OR2C3: variants seen among roughly 807,000 people sequenced by gnomAD.
The protein encoded by OR2C3 is olfactory receptor family 2 subfamily C member 3, also known as olfactory receptor 2C3.
For synonymous variants in OR2C3, 178 were observed against 163.4 expected (o/e 1.09, Z -0.68); for missense variants, 425 against 401.5 (o/e 1.06, Z -0.50).
rs1219013718 is a variant in OR2C3 at position 247,531,461 on chromosome 1, A to C, written c.*88T>G. On this transcript the variant is annotated 3_prime_UTR_variant, in exon 3 of 3. Transcript: ENST00000641802. Reference sequence around the variant, plus strand: ...TACCTTGAGCTCAAACAATATTAGAAGAAAAACGACATCCCAAGTGCCCTG... The same window carrying C: ...TACCTTGAGCTCAAACAATATTAGACGAAAAACGACATCCCAAGTGCCCTG... 1 of 1,358,628 alleles carries C rather than the reference A, an allele frequency of 7.4e-7. No individual in the cohort carries two copies. The highest frequency in any genetic ancestry group is 1.5e-5 in the African/African-American group (1 of 68,954). 84.2% of individuals were successfully genotyped at this position (1,358,628 alleles called of 1,614,324 possible). A position where few individuals can be genotyped will look rare whatever the true frequency, so the allele number is the denominator to read the frequency against.
chr1:247,529,605 T>C lies in OR2C3; in HGVS notation c.*1944A>G, dbSNP rs1285215078. On this transcript the variant is annotated 3_prime_UTR_variant, in exon 3 of 3. Coordinates refer to ENST00000641802, the MANE Select transcript of OR2C3 (RefSeq NM_198074.6). ...AATAATCCAGTTGAAGAATGTTGCT[T>C]CACTTCACTGAAAGTTTGGGTTTGG... 1 of 152,176 alleles carries C rather than the reference T, an allele frequency of 6.6e-6. No homozygotes were observed. Among genetic ancestry groups the C allele is most frequent in the African/African-American group, 2.4e-5 (1 of 41,440 alleles). The allele number at this position is 152,176 out of a possible 1,614,324, so 9.4% of individuals were successfully genotyped here.
rs1667107069 is a variant in OR2C3 at position 247,533,772 on chromosome 1, A to G, written c.-295T>C. 6.6e-6 allele frequency: 1 copy of G among 152,232 alleles called. No individual in the cohort carries two copies. Among genetic ancestry groups the G allele is most frequent in the African/African-American group, 2.4e-5 (1 of 41,462 alleles). The allele number at this position is 152,232 out of a possible 1,614,324, so 9.4% of individuals were successfully genotyped here. A position where few individuals can be genotyped will look rare whatever the true frequency, so the allele number is the denominator to read the frequency against. ...TCATCTGAAGGCTCCTCTGTTATGT[A>G]AAACTATGATCAAATAAATGTGTAT... On this transcript the variant is annotated 5_prime_UTR_variant, in exon 2 of 3. Coordinates refer to ENST00000641802, the MANE Select transcript of OR2C3 (RefSeq NM_198074.6).
rs953431781 is a variant in OR2C3, at chr1:247,533,549, C to G, written c.-72G>C. 1.3e-5 allele frequency: 2 copies of G among 152,204 alleles called. No individual in the cohort carries two copies. The highest frequency in any genetic ancestry group is 4.8e-5 in the African/African-American group (2 of 41,442). The allele number at this position is 152,204 out of a possible 1,614,324, so 9.4% of individuals were successfully genotyped here. A position where few individuals can be genotyped will look rare whatever the true frequency, so the allele number is the denominator to read the frequency against. ...CATAAGACCTCCATTCCAGAGAGGT[C>G]TTATTGCATACCAAGAAAAAAGGAA... On this transcript the variant is annotated 5_prime_UTR_variant, in exon 2 of 3. Coordinates refer to ENST00000641802, the MANE Select transcript of OR2C3 (RefSeq NM_198074.6).
At position 247,527,139 on chromosome 1, in the gene OR2C3, T is replaced by C. The variant is rs1026639165; in HGVS notation, c.*4410A>G. ...GTTAAGCATTTAGGGAGCAGTTGGGTGAGCACATGACCAATCAGCCTGAGC... is the reference window on the plus strand; with the variant it reads ...GTTAAGCATTTAGGGAGCAGTTGGGCGAGCACATGACCAATCAGCCTGAGC... On this transcript the variant is annotated 3_prime_UTR_variant, in exon 3 of 3. Transcript: ENST00000641802. The surrounding 1 kb of genome is among the most constrained non-coding windows in gnomAD (Gnocchi z 4.6). The C allele has an allele frequency of 1.3e-5, 6 of 448,148 alleles. No homozygotes were observed. Among genetic ancestry groups the C allele is most frequent in the African/African-American group, 1.2e-4 (6 of 49,904 alleles). The allele number at this position is 448,148 out of a possible 1,614,324, so 27.8% of individuals were successfully genotyped here.
In OR2C3 at chr1:247,530,520, C is replaced by CCCG. The variant is rs1416290260; in HGVS notation, c.*1028_*1029insCGG. The CCCG allele has an allele frequency of 2.2e-5, 3 of 139,110 alleles. No individual in the cohort carries two copies. Among genetic ancestry groups the CCCG allele is most frequent in the African/African-American group, 7.6e-5 (3 of 39,598 alleles). 8.6% of individuals were successfully genotyped at this position (139,110 alleles called of 1,614,324 possible). A position where few individuals can be genotyped will look rare whatever the true frequency, so the allele number is the denominator to read the frequency against. ...CCAGTCCACAAACACCATGCCATCC[C>CCCG]CCCCCCACAAAATAACATTTCCTAT... On this transcript the variant is annotated 3_prime_UTR_variant, in exon 3 of 3. Coordinates refer to ENST00000641802, the MANE Select transcript of OR2C3 (RefSeq NM_198074.6).
At position 247,531,185 on chromosome 1, in the gene OR2C3, C is replaced by T. The variant is rs953805809; in HGVS notation, c.*364G>A. The T allele has an allele frequency of 2.1e-5, 5 of 234,272 alleles. No individual in the cohort carries two copies. The highest frequency in any genetic ancestry group is 4.2e-5 in the Non-Finnish European group (5 of 119,110). The allele number at this position is 234,272 out of a possible 1,614,324, so 14.5% of individuals were successfully genotyped here. A position where few individuals can be genotyped will look rare whatever the true frequency, so the allele number is the denominator to read the frequency against. Reference sequence around the variant, plus strand: ...GGGGCTCTGGGGAACAGGCCGGCTCCGGTCTCCCCGCGCGCTCTCAGCGTC... The same window carrying T: ...GGGGCTCTGGGGAACAGGCCGGCTCTGGTCTCCCCGCGCGCTCTCAGCGTC... On this transcript the variant is annotated 3_prime_UTR_variant, in exon 3 of 3. Transcript: ENST00000641802.
chr1:247,534,589 C>T (rs1381754530), intron 1 of OR2C3, among the ~76,000 whole-genome samples: 1 of 152,030 alleles, frequency 6.6e-6, no homozygotes, highest in Non-Finnish European at 1.5e-5. Context: ...CCCTGAAGAC[C>T]TTTGGGGCCC....
chr1:247,526,955 G>A lies in OR2C3; in HGVS notation c.*4594C>T, dbSNP rs1666705296. The stretch of plus-strand genomic sequence containing the variant: ...TTTCTTTCAGGATTTACTGCCTCAA[G>A]ATGGTTATGTTGGAGGATTCCAATA... On this transcript the variant is annotated 3_prime_UTR_variant, in exon 3 of 3. Transcript: ENST00000641802. The surrounding 1 kb of genome is among the most constrained non-coding windows in gnomAD (Gnocchi z 4.8). 2.2e-6 allele frequency: 1 copy of A among 456,682 alleles called. No homozygotes were observed. The allele number at this position is 456,682 out of a possible 1,614,324, so 28.3% of individuals were successfully genotyped here. A position where few individuals can be genotyped will look rare whatever the true frequency, so the allele number is the denominator to read the frequency against.
At position 247,531,337 on chromosome 1, in the gene OR2C3, C is replaced by A; in HGVS notation, c.*212G>T. The stretch of plus-strand genomic sequence containing the variant: ...TCAACATGTGTATATATAGCAAAAA[C>A]CAACAACGCAATTGAACAAAACTAT... On this transcript the variant is annotated 3_prime_UTR_variant, in exon 3 of 3. Coordinates refer to ENST00000641802, the MANE Select transcript of OR2C3 (RefSeq NM_198074.6). 2 of 588,884 alleles carry A rather than the reference C, an allele frequency of 3.4e-6. No individual in the cohort carries two copies. Among genetic ancestry groups the A allele is most frequent in the Non-Finnish European group, 6.0e-6 (2 of 335,152 alleles). The allele number at this position is 588,884 out of a possible 1,614,324, so 36.5% of individuals were successfully genotyped here. A position where few individuals can be genotyped will look rare whatever the true frequency, so the allele number is the denominator to read the frequency against.
At chr1:247,532,869 CT>C (rs1221723577) in intron 2 of OR2C3, among the ~76,000 whole-genome samples, 54 of 49,114 alleles carry the variant, frequency 1.1e-3, no homozygotes, top group African/African-American at 4.3e-3. Context: ...TAATAAAAGA[CT>C]GGGTGGGGGG....
chr1:247,534,234 C>A (rs1267136142), intron 1 of OR2C3, among the ~76,000 whole-genome samples: 3 of 152,100 alleles, frequency 2.0e-5, no homozygotes, highest in African/African-American at 7.2e-5. Flanking sequence ...TTCCATGGAG[C>A]CATAGTTTTA....
rs1300584240 is a variant in OR2C3 at position 247,533,577 on chromosome 1, C to T, written c.-100G>A. ...ATTGCATACCAAGAAAAAAGGAACA[C>T]TGCTCAGAGAGGCCAAAAAGAATCT... is the stretch of plus-strand genomic sequence containing the variant. On this transcript the variant is annotated 5_prime_UTR_variant, in exon 2 of 3. It adds an upstream start codon to the 5' untranslated region. Coordinates refer to ENST00000641802, the MANE Select transcript of OR2C3 (RefSeq NM_198074.6). 2 of 152,232 alleles carry T rather than the reference C, an allele frequency of 1.3e-5. No homozygotes were observed. The highest frequency in any genetic ancestry group is 2.9e-5 in the Non-Finnish European group (2 of 68,070). 9.4% of individuals were successfully genotyped at this position (152,232 alleles called of 1,614,324 possible).
chr1:247,532,402 A>C lies in OR2C3; in HGVS notation c.110T>G (p.Met37Arg), dbSNP rs762144655. 3.7e-6 allele frequency: 6 copies of C among 1,614,022 alleles called. No homozygotes were observed. The Admixed American group carries it at 8.3e-5, about 22-fold the overall frequency. ...GATGCCATTGCCCAAGATCGATACC[A>C]TGTAAAAACTCAAGACAACTATGAA... ...VLFIVVLSFY[M>R]VSILGNGIII... The change falls in exon 3 of 3, where the codon ATG (methionine) becomes AGG (arginine). Residue 37 changes from methionine (M) to arginine (R), a missense_variant. Physicochemically the swap from Met to Arg is moderately conservative, Grantham distance 91. Coordinates refer to ENST00000641802, the MANE Select transcript of OR2C3 (RefSeq NM_198074.6).
chr1:247,532,283 T>G lies in OR2C3; in HGVS notation c.229A>C (p.Ser77Arg). 1 of 1,614,190 alleles carries G rather than the reference T, an allele frequency of 6.2e-7. No individual in the cohort carries two copies. ...LPFLDMSFTT[S>R]IVPQLLANLW... is the part of the protein sequence containing the mutation. ...TTAGCCAGGAGCTGTGGGACAATGC[T>G]CGTGGTGAAGCTCATGTCCAGGAAG... The change falls in exon 3 of 3, where the codon AGC (serine) becomes CGC (arginine). Residue 77 changes from serine (S) to arginine (R), a missense_variant. Coordinates refer to ENST00000641802, the MANE Select transcript of OR2C3 (RefSeq NM_198074.6).
At chr1:247,534,642 G>T (rs1206335202) in intron 1 of OR2C3, among the ~76,000 whole-genome samples, 1 of 152,122 alleles carries the variant, frequency 6.6e-6, no homozygotes, top group African/African-American at 2.4e-5. Context: ...TTAAAAAGGA[G>T]AATCAATTTA....
At position 247,526,972 on chromosome 1, in the gene OR2C3, A is replaced by ATTCC. The variant is rs1232713485; in HGVS notation, c.*4573_*4576dup. The ATTCC allele has an allele frequency of 6.6e-6, 3 of 456,622 alleles. No individual in the cohort carries two copies. The highest frequency in any genetic ancestry group is 6.0e-5 in the African/African-American group (3 of 50,080). 28.3% of individuals were successfully genotyped at this position (456,622 alleles called of 1,614,324 possible). On this transcript the variant is annotated 3_prime_UTR_variant, in exon 3 of 3. Transcript: ENST00000641802. This position sits in a 1 kb window ranked among gnomAD's most constrained non-coding sequence, Gnocchi z 4.8. Reference sequence around the variant, plus strand: ...TGCCTCAAGATGGTTATGTTGGAGGATTCCAATAGTTCTACTGGATGTGGA... The same window carrying ATTCC: ...TGCCTCAAGATGGTTATGTTGGAGGATTCCTTCCAATAGTTCTACTGGATGTGGA...
chr1:247,535,174 G>C (rs1667167836), intron 1 of OR2C3, among the ~76,000 whole-genome samples: 1 of 152,160 alleles, frequency 6.6e-6, no homozygotes, highest in Admixed American at 6.5e-5. Flanking sequence ...AAATGACTGA[G>C]TGTGGCTGTG....
chr1:247,532,516 T>C lies in OR2C3; in HGVS notation c.-5A>G, dbSNP rs974336562. ...CACATTGGCTATTTCCATCATTGTA[T>C]GCTGGGGGTGGGGCAAAAGGCCACC... On this transcript the variant is annotated 5_prime_UTR_variant, in exon 3 of 3. Transcript: ENST00000641802. The C allele has an allele frequency of 6.2e-7, 1 of 1,610,666 alleles. No individual in the cohort carries two copies. The highest frequency in any genetic ancestry group is 8.5e-7 in the Non-Finnish European group (1 of 1,177,874).
chr1:247,525,156 C>T lies in OR2C3; in HGVS notation c.*6393G>A, dbSNP rs754376947. The T allele has an allele frequency of 5.9e-5, 9 of 152,144 alleles. No homozygotes were observed. The highest frequency in any genetic ancestry group is 2.1e-4 in the South Asian group (1 of 4,832). The allele number at this position is 152,144 out of a possible 1,614,324, so 9.4% of individuals were successfully genotyped here. On this transcript the variant is annotated 3_prime_UTR_variant, in exon 3 of 3. Coordinates refer to ENST00000641802, the MANE Select transcript of OR2C3 (RefSeq NM_198074.6). Reference sequence around the variant, plus strand: ...TTCTATAAGGAAAAACAAACTAAAGCGCTTTTTCTATTCTCTCACTCAACA... The same window carrying T: ...TTCTATAAGGAAAAACAAACTAAAGTGCTTTTTCTATTCTCTCACTCAACA...
Sources: allele counts gnomAD v4.1 joint callset (sites outside exome capture counted in the v4.1 genomes callset), GRCh38; gene constraint gnomAD v4.1.1; non-coding constraint Gnocchi (gnomAD v3.1); transcripts MANE v1.5; gene names NCBI Gene and HGNC (gene_info 2026-07-23, HGNC 2026-07-21).